Variants in FTO observed in about 807,000 individuals in gnomAD.
FTO encodes the protein FTO alpha-ketoglutarate dependent dioxygenase, also known as alpha-ketoglutarate-dependent dioxygenase FTO.
FTO carries 47 observed loss-of-function variants against 63.9 expected under a neutral mutation model. The observed-to-expected ratio is 0.74, with a 90% CI of 0.58 to 0.94. The LOEUF is 0.94. FTO is among the 40% of genes least tolerant of loss of function. FTO has a pLI of 0.00. For synonymous variants in FTO, 207 were observed against 224.4 expected (o/e 0.92, Z 0.69); for missense variants, 562 against 618.1 (o/e 0.91, Z 0.96).
At chr16:53,744,384 C>T (rs1212646110) in intron 1 of FTO, among the ~76,000 whole-genome samples, 1 of 152,158 alleles carries the variant, frequency 6.6e-6, no homozygotes, top group African/African-American at 2.4e-5. Flanking sequence ...AAAAATAAAT[C>T]GGCTCATGCT....
At chr16:53,961,734 G>A (rs1488093403) in intron 8 of FTO, among the ~76,000 whole-genome samples, 1 of 152,194 alleles carries the variant, frequency 6.6e-6, no homozygotes, top group Non-Finnish European at 1.5e-5. Flanking sequence ...GTCAGCATAT[G>A]TTGGGATCTA....
rs1282809333 is a variant in FTO, at chr16:53,839,771, TTTTTTTTATTTATTTATTTATTTA to T, written c.752-4380_752-4357del. 2.7e-3 allele frequency among the ~76,000 whole-genome samples: 135 copies of T among 49,656 alleles called. 5 individuals carry two copies. The highest frequency in any genetic ancestry group is 7.0e-3 in the African/African-American group (128 of 18,332). The allele number at this position is 49,656 out of a possible 152,430, so 32.6% of individuals were successfully genotyped here. On this transcript the variant is annotated intron_variant, in intron 3 of 8. Transcript: ENST00000471389. ...TTCAAGTCATTATAATTGGTTTTCT[TTTTTTTTATTTATTTATTTATTTA>T]TTTATTTATTTATTTATTTATTTAT...
At chr16:53,913,001 T>G (rs1437711726) in intron 7 of FTO, among the ~76,000 whole-genome samples, 1 of 152,246 alleles carries the variant, frequency 6.6e-6, no homozygotes, top group East Asian at 1.9e-4. Context: ...GACTTATAAT[T>G]ATCTGAGAGC....
intron 8 of FTO, among the ~76,000 whole-genome samples, chr16:54,064,440 A>C (rs1026564237): frequency 3.9e-5 from 6 of 152,326 alleles, no homozygotes; most frequent in Non-Finnish European, 8.8e-5. Flanking sequence ...CATTCTAACC[A>C]TGATTTAAAT....
intron 8 of FTO, among the ~76,000 whole-genome samples, chr16:54,086,140 G>A (rs1309980390): frequency 1.3e-5 from 2 of 152,100 alleles, no homozygotes; most frequent in Non-Finnish European, 2.9e-5. Flanking sequence ...CATAATGGAA[G>A]CCCCACGAAA....
In FTO at chr16:54,056,391, T is replaced by C. The variant is rs151114992; in HGVS notation, c.1365-55371T>C. 2.6e-3 allele frequency among the ~76,000 whole-genome samples: 392 copies of C among 152,222 alleles called. 1 individual carries two copies. Among genetic ancestry groups the C allele is most frequent in the African/African-American group, 9.0e-3 (373 of 41,532 alleles). On this transcript the variant is annotated intron_variant, in intron 8 of 8. Coordinates refer to ENST00000471389, the MANE Select transcript of FTO (RefSeq NM_001080432.3). Reference sequence around the variant, plus strand: ...TGGCCCAGAGGGCACCCAATAAACGTTGGTTGAATTAAATTGTTAGAATTT... The same window carrying C: ...TGGCCCAGAGGGCACCCAATAAACGCTGGTTGAATTAAATTGTTAGAATTT...
At chr16:54,101,078 A>G (rs368538519) in intron 8 of FTO, among the ~76,000 whole-genome samples, 1 of 151,278 alleles carries the variant, frequency 6.6e-6, no homozygotes, top group Non-Finnish European at 1.5e-5. Flanking sequence ...CCCTCACCCC[A>G]TAGAGCCTTT....
At chr16:53,758,532 AG>A (rs1221333652) in intron 1 of FTO, among the ~76,000 whole-genome samples, 1 of 152,226 alleles carries the variant, frequency 6.6e-6, no homozygotes, top group Admixed American at 6.5e-5. Context: ...AAAGACGGCC[AG>A]GTTTCCATCA....
intron 1 of FTO, among the ~76,000 whole-genome samples, chr16:53,777,746 G>C (rs1225787546): frequency 6.6e-6 from 1 of 152,088 alleles, no homozygotes; most frequent in Admixed American, 6.5e-5. Flanking sequence ...CTAAATTTCT[G>C]ATTTTTCTTG....
chr16:53,937,708 G>A (rs1174845329), intron 8 of FTO: 1 of 154,302 alleles, frequency 6.5e-6, no homozygotes, highest in Non-Finnish European at 1.4e-5. Context: ...TCCCTACCAA[G>A]GGGAAACATT....
At position 53,911,934 on chromosome 16, in the gene FTO, G is replaced by A. The variant is rs2081719699; in HGVS notation, c.1240-22051G>A. On this transcript the variant is annotated intron_variant, in intron 7 of 8. Coordinates refer to ENST00000471389, the MANE Select transcript of FTO (RefSeq NM_001080432.3). ...TTTGGTCTCTAAGGCCAAGGAAACT[G>A]TTAATGCTGTATATCAGTTATAAAG... Among the ~76,000 whole-genome samples, 2 of 152,216 alleles carry A rather than the reference G, an allele frequency of 1.3e-5. 1 individual carries two copies. The highest frequency in any genetic ancestry group is 2.9e-5 in the Non-Finnish European group (2 of 68,028).
chr16:53,740,516 T>C (rs2076507435), intron 1 of FTO, among the ~76,000 whole-genome samples: 1 of 152,260 alleles, frequency 6.6e-6, no homozygotes, highest in African/African-American at 2.4e-5. Context: ...TTCTTGCCTT[T>C]CTGCTCAGTG....
chr16:53,767,305 A>T (rs2077231491), intron 1 of FTO, among the ~76,000 whole-genome samples: 1 of 152,190 alleles, frequency 6.6e-6, no homozygotes, highest in Admixed American at 6.5e-5. Context: ...GTGAAGACTA[A>T]TTTTGACACT....
chr16:54,086,870 G>A (rs77398459), intron 8 of FTO, among the ~76,000 whole-genome samples: 4,567 of 152,298 alleles, frequency 0.03, 157 homozygotes, highest in South Asian at 0.095. Flanking sequence ...ACTGAACGGG[G>A]AGAGCTTGTA....
chr16:54,075,375 C>T (rs888944030), intron 8 of FTO, among the ~76,000 whole-genome samples: 32 of 152,162 alleles, frequency 2.1e-4, no homozygotes, highest in Admixed American at 7.9e-4. Context: ...ATCCAGCTCT[C>T]GTTAACTATC....
intron 7 of FTO, among the ~76,000 whole-genome samples, chr16:53,911,073 C>T (rs970870497): frequency 2.6e-5 from 4 of 152,170 alleles, no homozygotes; most frequent in Non-Finnish European, 5.9e-5. Flanking sequence ...TTGGTAGAGA[C>T]GTCAGAGCCA....
In FTO at chr16:54,111,854, C is replaced by G; in HGVS notation, c.1457C>G (p.Pro486Arg). The G allele has an allele frequency of 6.2e-7, 1 of 1,614,180 alleles. No individual in the cohort carries two copies. The highest frequency in any genetic ancestry group is 2.2e-5 in the East Asian group (1 of 44,882). Residue 486 changes from proline to arginine, a missense_variant, in exon 9 of 9, where the codon CCG (proline) becomes CGG (arginine). Transcript: ENST00000471389. The stretch of plus-strand genomic sequence containing the variant: ...AAGGATGATGCTTCGATGCCTCTGC[C>G]GTTTGACCTCACAGACATCGTTTCA... The part of the protein sequence containing the change: ...WEKDDASMPL[P>R]FDLTDIVSEL...
chr16:53,820,011 C>CTT (rs35719505), intron 2 of FTO, among the ~76,000 whole-genome samples: 65 of 138,854 alleles, frequency 4.7e-4, no homozygotes, highest in Non-Finnish European at 6.4e-4. Flanking sequence ...TCTTCTTCTT[C>CTT]TTTTTTTTTT....
chr16:54,105,811 G>GTGTGTA (rs1555507970), intron 8 of FTO, among the ~76,000 whole-genome samples: 3 of 91,720 alleles, frequency 3.3e-5, no homozygotes, highest in African/African-American at 9.7e-5. Context: ...GTGTGTGTGT[G>GTGTGTA]TGTATGTTAC....
Sources: gnomAD v4.1 joint callset for allele counts (sites outside exome capture counted in the v4.1 genomes callset) on GRCh38, gnomAD v4.1.1 for gene constraint, MANE v1.5 for transcripts, NCBI Gene and HGNC (gene_info 2026-07-23, HGNC 2026-07-21) for gene names.